Variants in CSMD3 observed in about 807,000 individuals in gnomAD.
CSMD3 encodes CUB and sushi domain-containing protein 3.
In CSMD3, 177 loss-of-function variants were observed where a neutral mutation model predicts 435.2. That is an observed-to-expected ratio of 0.41 (90% CI 0.36 to 0.46). CSMD3 has a LOEUF of 0.46. Among genes scored for constraint, CSMD3 ranks in the 20% least tolerant of loss-of-function variants. The probability of loss-of-function intolerance (pLI) is 0.34; values close to 1 mark genes in which losing one functional copy is unlikely to be tolerated. For synonymous variants in CSMD3, 1,656 were observed against 1,520.5 expected (o/e 1.09, Z -2.07); for missense variants, 4,265 against 4,504.6 (o/e 0.95, Z 1.52).
At chr8:112,341,364 T>C in intron 42 of CSMD3, 113 bp downstream of exon 42, 1 of 552,348 alleles carries the variant, frequency 1.8e-6, no homozygotes, top group Non-Finnish European at 2.9e-6. Context: ...TTGGCTTAAG[T>C]TTTTTTTTTT....
At chr8:112,339,591 G>A (rs778754239) in intron 42 of CSMD3, among the ~76,000 whole-genome samples, 2 of 152,006 alleles carry the variant, frequency 1.3e-5, no homozygotes, top group Admixed American at 6.6e-5. Flanking sequence ...CCAAGAATCC[G>A]GACAACTTGC....
At chr8:112,900,716 A>C (rs143229999) in intron 10 of CSMD3, among the ~76,000 whole-genome samples, 1 of 151,254 alleles carries the variant, frequency 6.6e-6, no homozygotes, top group African/African-American at 2.4e-5. Flanking sequence ...GCTGACAGAG[A>C]AAAAGCTCTT....
At chr8:112,324,755 T>A (rs970928251) in intron 45 of CSMD3, among the ~76,000 whole-genome samples, 1 of 152,014 alleles carries the variant, frequency 6.6e-6, no homozygotes, top group East Asian at 1.9e-4. Flanking sequence ...GAGATTTAAG[T>A]TGGAGGGGAA....
chr8:113,062,628 GA>G (rs1396353597), intron 5 of CSMD3, among the ~76,000 whole-genome samples: 2 of 151,726 alleles, frequency 1.3e-5, no homozygotes, highest in African/African-American at 4.8e-5. Flanking sequence ...CCTGTATCAT[GA>G]AAATGAAAAG....
chr8:112,449,583 C>T (rs957110924), intron 32 of CSMD3, among the ~76,000 whole-genome samples: 1 of 152,098 alleles, frequency 6.6e-6, no homozygotes, highest in African/African-American at 2.4e-5. Flanking sequence ...CAATTTTATT[C>T]CTTTGAATTT....
At chr8:112,945,630 T>C (rs1252896757) in intron 9 of CSMD3, among the ~76,000 whole-genome samples, 1 of 144,458 alleles carries the variant, frequency 6.9e-6, no homozygotes, top group Non-Finnish European at 1.5e-5. Flanking sequence ...GTGTGTATAA[T>C]ATTCTGAGTT....
intron 5 of CSMD3, among the ~76,000 whole-genome samples, chr8:113,092,667 C>A (rs1472331934): frequency 6.6e-6 from 1 of 151,940 alleles, no homozygotes; most frequent in South Asian, 2.1e-4. Context: ...TTCTTCCTAC[C>A]GTTTGAAGTG....
At position 113,179,253 on chromosome 8, in the gene CSMD3, A is replaced by C. The variant is rs539725847; in HGVS notation, c.515-5337T>G. Reference sequence around the variant, plus strand: ...CATGTATATTTTTAGCAAGCACTCAATATGAGACAAATATTATTAACTCAA... The same window carrying C: ...CATGTATATTTTTAGCAAGCACTCACTATGAGACAAATATTATTAACTCAA... On this transcript the variant is annotated intron_variant, in intron 3 of 70. Coordinates refer to ENST00000297405, the MANE Select transcript of CSMD3 (RefSeq NM_198123.2). 3.3e-5 allele frequency among the ~76,000 whole-genome samples: 5 copies of C among 151,924 alleles called. No individual in the cohort carries two copies. In the East Asian group the frequency reaches 9.7e-4, roughly 29 times the overall value.
intron 5 of CSMD3, among the ~76,000 whole-genome samples, chr8:113,019,548 CTTATTTA>C (rs1425213409): frequency 6.7e-6 from 1 of 148,428 alleles, no homozygotes; most frequent in African/African-American, 2.4e-5. Flanking sequence ...TTTATTATAT[CTTATTTA>C]TTATTTATTA....
chr8:113,179,209 T>A (rs2092389646), intron 3 of CSMD3, among the ~76,000 whole-genome samples: 1 of 150,760 alleles, frequency 6.6e-6, no homozygotes, highest in East Asian at 2.0e-4. Flanking sequence ...TATTATTACA[T>A]AAAACAGTAT....
intron 1 of CSMD3, among the ~76,000 whole-genome samples, chr8:113,430,269 C>T (rs1280278087): frequency 1.3e-5 from 2 of 152,088 alleles, no homozygotes; most frequent in African/African-American, 4.8e-5. Context: ...TTTGCATGTG[C>T]ATGTTTATTT....
At chr8:112,656,421 ATTCC>A in intron 17 of CSMD3, 80 bp from the exon 18 acceptor site, 2 of 1,047,658 alleles carry the variant, frequency 1.9e-6, no homozygotes, top group Non-Finnish European at 2.8e-6. Context: ...TGCTATTTAA[ATTCC>A]TATTTAAAAT....
At chr8:112,621,298 T>A (rs1463368088) in intron 22 of CSMD3, among the ~76,000 whole-genome samples, 2 of 152,096 alleles carry the variant, frequency 1.3e-5, no homozygotes, top group African/African-American at 4.8e-5. Context: ...TCAATAATTG[T>A]TAAACCCAGA....
At chr8:113,195,078 A>C (rs1003782475) in intron 3 of CSMD3, among the ~76,000 whole-genome samples, 2 of 151,308 alleles carry the variant, frequency 1.3e-5, no homozygotes, top group Non-Finnish European at 3.0e-5. Flanking sequence ...TCAAGAGATC[A>C]AAGACATTTA....
intron 68 of CSMD3, among the ~76,000 whole-genome samples, chr8:112,233,979 G>A (rs1213915208): frequency 1.3e-5 from 2 of 152,030 alleles, no homozygotes; most frequent in Admixed American, 1.3e-4. Context: ...AGTAGTAGTG[G>A]TTCCAAAGAT....
At chr8:112,451,478 G>A (rs1047002728) in intron 32 of CSMD3, among the ~76,000 whole-genome samples, 6 of 151,748 alleles carry the variant, frequency 4.0e-5, no homozygotes, top group Non-Finnish European at 5.9e-5. Context: ...TTTTGAGTCT[G>A]ATTATATGGT....
chr8:112,886,258 T>C (rs1175154183), intron 10 of CSMD3, among the ~76,000 whole-genome samples: 8 of 151,816 alleles, frequency 5.3e-5, no homozygotes, highest in Admixed American at 4.6e-4. Context: ...TCTGTACATG[T>C]GTAACTCATA....
chr8:112,491,869 T>C (rs1035771315), intron 31 of CSMD3, among the ~76,000 whole-genome samples: 22 of 152,262 alleles, frequency 1.4e-4, no homozygotes, highest in African/African-American at 5.1e-4. Context: ...TTTTGTACAA[T>C]GCACTAGGAT....
At chr8:112,374,813 TCA>T (rs1828788846) in intron 38 of CSMD3, among the ~76,000 whole-genome samples, 1 of 152,182 alleles carries the variant, frequency 6.6e-6, no homozygotes, top group African/African-American at 2.4e-5. Context: ...TTAACACATT[TCA>T]CAGATTGCAT....
Sources: gnomAD v4.1 joint callset for allele counts (sites outside exome capture counted in the v4.1 genomes callset) on GRCh38, gnomAD v4.1.1 for gene constraint, MANE v1.5 for transcripts, NCBI Gene and HGNC (gene_info 2026-07-23, HGNC 2026-07-21) for gene names.